GBP3: variants seen among roughly 807,000 people sequenced by gnomAD.
The protein encoded by GBP3 is guanylate binding protein 3.
In GBP3, 55 loss-of-function variants were observed where a neutral mutation model predicts 62.4. The observed-to-expected ratio is 0.88, with a 90% CI of 0.71 to 1.10. The LOEUF is 1.10. Among genes scored for constraint, GBP3 ranks in the 50% least tolerant of loss-of-function variants. The pLI is 0.00. For missense variants in GBP3, 605 were observed against 690.6 expected, an observed-to-expected ratio of 0.88 and a Z score of 1.39; for synonymous variants, 208 against 259.2, an observed-to-expected ratio of 0.80 and a Z score of 1.90.
chr1:89,013,484 A>G, intron 5 of GBP3, 57 bp from the exon 6 acceptor site: 1 of 1,531,840 alleles, frequency 6.5e-7, no homozygotes, highest in South Asian at 1.3e-5. Context: ...AAAGCGTCAA[A>G]TAGTAAATAT....
chr1:89,014,205 T>A lies in GBP3; in HGVS notation c.503A>T (p.Asp168Val), dbSNP rs772953717. The change falls in exon 5 of 11, where the codon GAC becomes GTC. Residue 168 changes from aspartate (D) to valine (V), a missense_variant. This residue lies in a region of GBP3 where 308 missense variants were observed against 318.0 expected (regional missense o/e 0.97). Coordinates refer to ENST00000370481, the MANE Select transcript of GBP3 (RefSeq NM_018284.3). ...PDENENEDSADFVSFFPDFVW... is the reference protein window; with the variant it reads ...PDENENEDSAVFVSFFPDFVW... ...AAAATCTGGGAAGAAGCTCACAAAG[T>A]CAGCTGAATCCTCATTCTCATTCTC... is the stretch of plus-strand genomic sequence containing the variant. The A allele has an allele frequency of 1.2e-6, 2 of 1,614,056 alleles. No homozygotes were observed. Among genetic ancestry groups the A allele is most frequent in the Non-Finnish European group, 1.7e-6 (2 of 1,180,032 alleles).
At chr1:89,014,889 G>A (rs1443540355) in intron 3 of GBP3, among the ~76,000 whole-genome samples, 1 of 152,102 alleles carries the variant, frequency 6.6e-6, no homozygotes, top group Non-Finnish European at 1.5e-5. Context: ...TATGATCATT[G>A]GCAGACAATT....
intron 1 of GBP3, among the ~76,000 whole-genome samples, chr1:89,021,544 A>ACACACACCC (rs761151308): frequency 1.2e-4 from 17 of 141,050 alleles, no homozygotes; most frequent in South Asian, 7.2e-4. Flanking sequence ...ACACACACAC[A>ACACACACCC]CCCCAAAAAA....
At position 89,013,339 on chromosome 1, in the gene GBP3, C is replaced by A. The variant is rs1220337428; in HGVS notation, c.714G>T (p.Leu238=). ...FPKKKCFVFD[L]PIHRRKLAQL... Reference sequence around the variant, plus strand: ...GGGCAAGCTTCCTGCGGTGAATGGGCAGATCGAAGACAAAACATTTTTTCT... The same window carrying A: ...GGGCAAGCTTCCTGCGGTGAATGGGAAGATCGAAGACAAAACATTTTTTCT... Residue 238 remains leucine, a synonymous_variant, in exon 6 of 11, where the codon CTG becomes CTT. Transcript: ENST00000370481. The A allele has an allele frequency of 6.2e-7, 1 of 1,614,154 alleles. No individual in the cohort carries two copies.
At chr1:89,020,450 T>C in intron 2 of GBP3, 82 bp downstream of exon 2, 1 of 1,541,156 alleles carries the variant, frequency 6.5e-7, no homozygotes, top group Non-Finnish European at 9.0e-7. Flanking sequence ...GTGCCAGCTT[T>C]CTCTCCTCAC....
At chr1:89,020,816 C>T in intron 1 of GBP3, 73 bp from the exon 2 acceptor site, 1 of 1,359,864 alleles carries the variant, frequency 7.4e-7, no homozygotes, top group African/African-American at 1.4e-5. Context: ...ACAGAATTCC[C>T]CAGGATGGCC....
At chr1:89,009,534 G>T (rs780975373) in intron 8 of GBP3, 40 bp from the exon 9 acceptor site, 1 of 1,607,926 alleles carries the variant, frequency 6.2e-7, no homozygotes, top group South Asian at 1.1e-5. Flanking sequence ...GTAGGAAATG[G>T]CTGTAAGCAG....
intron 8 of GBP3, 36 bp from the exon 9 acceptor site, chr1:89,009,530 A>G (rs1051565372): frequency 8.7e-6 from 14 of 1,609,720 alleles, no homozygotes; most frequent in Non-Finnish European, 1.2e-5. Flanking sequence ...AGAAGTAGGA[A>G]ATGGCTGTAA....
intron 2 of GBP3, among the ~76,000 whole-genome samples, chr1:89,016,409 C>T (rs982034631): frequency 2.0e-5 from 3 of 152,036 alleles, no homozygotes; most frequent in Non-Finnish European, 4.4e-5. Context: ...ATCCCAGCTA[C>T]TCGGGTGGCT....
rs1678517630 is a variant in GBP3 at position 89,010,826 on chromosome 1, C to T, written c.1362+78G>A. Reference sequence around the variant, plus strand: ...ACAGACAAAAAAGCACATCTGTGTGCAGTGAAGCTTGGTCACTTTGGTGTT... The same window carrying T: ...ACAGACAAAAAAGCACATCTGTGTGTAGTGAAGCTTGGTCACTTTGGTGTT... On this transcript the variant is annotated intron_variant, in intron 8 of 10. Coordinates refer to ENST00000370481, the MANE Select transcript of GBP3 (RefSeq NM_018284.3). 11 of 1,438,698 alleles carry T rather than the reference C, an allele frequency of 7.6e-6. 2 individuals are homozygous for T. In the Admixed American group the frequency reaches 2.0e-4, roughly 26 times the overall value. 89.1% of individuals were successfully genotyped at this position (1,438,698 alleles called of 1,614,324 possible). A position where few individuals can be genotyped will look rare whatever the true frequency, so the allele number is the denominator to read the frequency against.
rs1678634703 is a variant in GBP3 at position 89,012,708 on chromosome 1, C to T, written c.868+477G>A. On this transcript the variant is annotated intron_variant, in intron 6 of 10. Coordinates refer to ENST00000370481, the MANE Select transcript of GBP3 (RefSeq NM_018284.3). ...AATTTTAAGTAATAAAACTTTTTTC[C>T]TTTGCTTTTCCTATCTTTTCCCACC... Among the ~76,000 whole-genome samples the T allele has an allele frequency of 1.5e-5, 2 of 137,922 alleles. 1 individual carries two copies. The highest frequency in any genetic ancestry group is 3.3e-5 in the Non-Finnish European group (2 of 59,838). 90.5% of individuals were successfully genotyped at this position (137,922 alleles called of 152,430 possible). A position where few individuals can be genotyped will look rare whatever the true frequency, so the allele number is the denominator to read the frequency against.
chr1:89,021,783 A>G (rs1679234182), intron 1 of GBP3, among the ~76,000 whole-genome samples: 1 of 93,536 alleles, frequency 1.1e-5, no homozygotes, highest in African/African-American at 3.7e-5. Flanking sequence ...AAAGGGCTGG[A>G]AAGATGAGAG....
intron 3 of GBP3, 35 bp downstream of exon 3, chr1:89,015,252 G>C (rs764488776): frequency 1.3e-6 from 2 of 1,552,278 alleles, no homozygotes; most frequent in East Asian, 4.6e-5. Flanking sequence ...TCAGAGATGA[G>C]GGGCTTATTT....
intron 2 of GBP3, among the ~76,000 whole-genome samples, chr1:89,018,986 G>A (rs1198827691): frequency 6.6e-6 from 1 of 152,234 alleles, no homozygotes; most frequent in African/African-American, 2.4e-5. Flanking sequence ...AATATGAAGA[G>A]AAATTAGAAC....
At chr1:89,010,613 T>C (rs1678502773) in intron 8 of GBP3, among the ~76,000 whole-genome samples, 1 of 138,412 alleles carries the variant, frequency 7.2e-6, no homozygotes, top group South Asian at 2.4e-4. Context: ...TGTTTCACCA[T>C]GTTGCTCAGG....
rs779084049 is a variant in GBP3 at position 89,020,518 on chromosome 1, C to G, written c.190+14G>C. ...ACAGAAGGGACTTGGCAGAGCTTTG[C>G]TCATGCCACTCACCCTTATTCTTCC... is the stretch of plus-strand genomic sequence containing the variant. On this transcript the variant is annotated intron_variant, in intron 2 of 10. Transcript: ENST00000370481. The G allele has an allele frequency of 5.0e-6, 8 of 1,613,722 alleles. No homozygotes were observed. The South Asian group carries it at 8.8e-5, about 18-fold the overall frequency.
At position 89,012,869 on chromosome 1, in the gene GBP3, C is replaced by T. The variant is rs550972347; in HGVS notation, c.868+316G>A. ...TATGCTCCTTTCATATTTTTTTTTT[C>T]CTCTGTCACCCAGGCTGGAGTGCAG... On this transcript the variant is annotated intron_variant, in intron 6 of 10. Transcript: ENST00000370481. Among the ~76,000 whole-genome samples the T allele has an allele frequency of 7.4e-4, 93 of 125,252 alleles. 8 individuals carry two copies. In the East Asian group the frequency reaches 9.7e-3, roughly 13 times the overall value. 82.2% of individuals were successfully genotyped at this position (125,252 alleles called of 152,430 possible).
At position 89,013,356 on chromosome 1, in the gene GBP3, AT is replaced by A. The variant is rs749919178; in HGVS notation, c.696del (p.Lys232AsnfsTer33). 6 of 1,613,998 alleles carry A rather than the reference AT, an allele frequency of 3.7e-6. No homozygotes were observed. In the African/African-American group the frequency reaches 8.0e-5, roughly 22 times the overall value. On this transcript the variant is annotated frameshift_variant, in exon 6 of 11. Coordinates refer to ENST00000370481, the MANE Select transcript of GBP3 (RefSeq NM_018284.3). LOFTEE classifies it high-confidence loss of function. ...TGAATGGGCAGATCGAAGACAAAAC[AT>A]TTTTTCTTTGGGAAGAACTTCCGGA... ...LCIRKFFPKK[K>X]CFVFDLPIHR... is the part of the protein sequence containing the mutation.
chr1:89,021,510 G>GCGCACACACACACACACA (rs751639388), intron 1 of GBP3, among the ~76,000 whole-genome samples: 78 of 131,736 alleles, frequency 5.9e-4, no homozygotes, highest in African/African-American at 2.1e-3. Context: ...GCGCGCGCGC[G>GCGCACACACACACACACA]CACACACACA....
Sources: allele counts gnomAD v4.1 joint callset (sites outside exome capture counted in the v4.1 genomes callset), GRCh38; gene constraint gnomAD v4.1.1; regional missense constraint gnomAD v4.1.1; transcripts MANE v1.5; gene names NCBI Gene and HGNC (gene_info 2026-07-23, HGNC 2026-07-21).